Variants in NFATC1 observed in about 807,000 individuals in gnomAD.
NFATC1 encodes nuclear factor of activated T cells 1, also known as nuclear factor of activated T-cells, cytoplasmic 1.
NFATC1 carries 22 observed loss-of-function variants against 76.0 expected under a neutral mutation model. The ratio of observed to expected loss-of-function variants is 0.29; its 90% CI spans 0.21 to 0.41. NFATC1 has a LOEUF of 0.41. Ranked by LOEUF, NFATC1 falls within the 10% of genes least tolerant of loss-of-function variation. The pLI, the probability that NFATC1 is intolerant of heterozygous loss-of-function variation, is 1.00. For missense variants in NFATC1, 1,357 were observed against 1,337.7 expected (o/e 1.01, Z -0.23); for synonymous variants, 704 against 613.1 (o/e 1.15, Z -2.19).
intron 9 of NFATC1, among the ~76,000 whole-genome samples, chr18:79,500,772 A>G (rs1415312453): frequency 6.6e-6 from 1 of 152,230 alleles, no homozygotes; most frequent in Non-Finnish European, 1.5e-5. Context: ...ATTCTTAGAC[A>G]CGAATTACCT....
In NFATC1 at chr18:79,467,518, C is replaced by A; in HGVS notation, c.2028C>A (p.Phe676Leu). 6.2e-7 allele frequency: 1 copy of A among 1,614,036 alleles called. No homozygotes were observed. The highest frequency in any genetic ancestry group is 8.5e-7 in the Non-Finnish European group (1 of 1,179,968). The change falls in exon 8 of 10, where the codon TTC becomes TTA. Residue 676 changes from phenylalanine to leucine, a missense_variant. Phe to Leu is a conservative substitution (Grantham distance 22). This residue lies in a region of NFATC1 where 424 missense variants were observed against 395.4 expected (regional missense o/e 1.07). Coordinates refer to ENST00000427363, the MANE Select transcript of NFATC1 (RefSeq NM_001278669.2). ...TAACCAGCCCCGTTCACGTCAGTTT[C>A]TACGTCTGCAACGGGAAGAGAAAGC... is the stretch of plus-strand genomic sequence containing the variant. ...QRITSPVHVS[F>L]YVCNGKRKRS...
chr18:79,514,466 A>G (rs1252724011), intron 9 of NFATC1, among the ~76,000 whole-genome samples: 3 of 148,690 alleles, frequency 2.0e-5, no homozygotes, highest in African/African-American at 7.4e-5. Flanking sequence ...CTCAGGAGGC[A>G]GAGGAGAAAG....
At chr18:79,444,800 CAT>C (rs2087137085) in intron 3 of NFATC1, among the ~76,000 whole-genome samples, 1 of 152,242 alleles carries the variant, frequency 6.6e-6, no homozygotes, top group Non-Finnish European at 1.5e-5. Flanking sequence ...TGGCCACACA[CAT>C]GCCTGCACAC....
rs772287578 is a variant in NFATC1 at position 79,486,373 on chromosome 18, C to T, written c.2218C>T (p.Pro740Ser). 1.2e-6 allele frequency: 2 copies of T among 1,613,034 alleles called. No homozygotes were observed. Among genetic ancestry groups the T allele is most frequent in the South Asian group, 2.2e-5 (2 of 91,080 alleles). ...YSQQLAMPPDPSSCLVAGFPP... is the reference protein window; with the variant it reads ...YSQQLAMPPDSSSCLVAGFPP... ...CCAGCAGCTCGCGATGCCACCCGACCCCAGCTCCTGCCTCGTGGCCGGCTT... is the reference window on the plus strand; with the variant it reads ...CCAGCAGCTCGCGATGCCACCCGACTCCAGCTCCTGCCTCGTGGCCGGCTT... Residue 740 changes from proline (P) to serine (S), a missense_variant, in exon 9 of 10, where the codon CCC becomes TCC. Transcript: ENST00000427363.
intron 8 of NFATC1, among the ~76,000 whole-genome samples, chr18:79,475,193 TTC>T (rs2089008438): frequency 6.8e-6 from 1 of 146,852 alleles, no homozygotes; most frequent in African/African-American, 2.6e-5. Context: ...GGGAAGCGTG[TTC>T]TCACGCTCAC....
At chr18:79,406,306 G>A (rs773612727) in intron 1 of NFATC1, among the ~76,000 whole-genome samples, 3 of 152,242 alleles carry the variant, frequency 2.0e-5, no homozygotes, top group Admixed American at 1.3e-4. Flanking sequence ...ATCAATTGCA[G>A]TTAAGCCCCC....
chr18:79,452,557 C>T (rs193079336), intron 6 of NFATC1, among the ~76,000 whole-genome samples: 3 of 152,348 alleles, frequency 2.0e-5, no homozygotes, highest in African/African-American at 7.2e-5. Flanking sequence ...CGGGCCCCAG[C>T]ACTCTCATCC....
rs577556578 is a variant in NFATC1, at chr18:79,420,059, G to A, written c.1226+8558G>A. ...AGTAGTTGTAAAGGCCACACCGGAC[G>A]CCGTGTGCACCTCCCAAGGTTTCCC... is the stretch of plus-strand genomic sequence containing the variant. On this transcript the variant is annotated intron_variant, in intron 2 of 9. Transcript: ENST00000427363. Among the ~76,000 whole-genome samples, 21 of 152,348 alleles carry A rather than the reference G, an allele frequency of 1.4e-4. No individual in the cohort carries two copies. The South Asian group carries it at 1.4e-3, about 11-fold the overall frequency.
chr18:79,507,442 C>T (rs1283590044), intron 9 of NFATC1, among the ~76,000 whole-genome samples: 2 of 152,254 alleles, frequency 1.3e-5, no homozygotes, highest in Non-Finnish European at 2.9e-5. Flanking sequence ...ATGGGGCTGA[C>T]GGTGTGCAGC....
chr18:79,430,811 G>A (rs537900943), intron 2 of NFATC1, among the ~76,000 whole-genome samples: 1 of 152,286 alleles, frequency 6.6e-6, no homozygotes, highest in South Asian at 2.1e-4. Flanking sequence ...GAGCAGGTGT[G>A]GCCACTGCAG....
chr18:79,403,628 G>T (rs2085339183), intron 1 of NFATC1, among the ~76,000 whole-genome samples: 1 of 152,276 alleles, frequency 6.6e-6, no homozygotes, highest in Admixed American at 6.5e-5. Flanking sequence ...CTGTGTTTGG[G>T]CTGGAGCCTC....
At chr18:79,469,671 C>T (rs137886310) in intron 8 of NFATC1, 30 of 986,014 alleles carry the variant, frequency 3.0e-5, no homozygotes, top group Admixed American at 6.1e-5. Flanking sequence ...CATGGCTCAA[C>T]GCAGGCCAGG....
intron 9 of NFATC1, among the ~76,000 whole-genome samples, chr18:79,525,076 A>G (rs111433352): frequency 1.8e-5 from 1 of 54,606 alleles, no homozygotes; most frequent in Non-Finnish European, 3.8e-5. Context: ...CCCACGTCCC[A>G]CCGTCGTTAC....
At position 79,465,902 on chromosome 18, in the gene NFATC1, C is replaced by A. The variant is rs2088467381; in HGVS notation, c.1960-1548C>A. ...CAGCCCAGGCCCCGCCCACTGACAG[C>A]ACTCATGGCCCCTCCGGCGGCAGCT... is the stretch of plus-strand genomic sequence containing the variant. On this transcript the variant is annotated intron_variant, in intron 7 of 9. Transcript: ENST00000427363. This position sits in a 1 kb window ranked among gnomAD's most constrained non-coding sequence, Gnocchi z 4.2. Among the ~76,000 whole-genome samples the A allele has an allele frequency of 6.6e-6, 1 of 152,270 alleles. No individual in the cohort carries two copies. The highest frequency in any genetic ancestry group is 2.1e-4 in the South Asian group (1 of 4,838).
At chr18:79,449,439 A>G (rs1335815946) in intron 4 of NFATC1, among the ~76,000 whole-genome samples, 1 of 152,228 alleles carries the variant, frequency 6.6e-6, no homozygotes. Flanking sequence ...TGAATTTTTT[A>G]GTAAGGTGAG....
chr18:79,514,181 C>T (rs2090325507), intron 9 of NFATC1, among the ~76,000 whole-genome samples: 1 of 152,108 alleles, frequency 6.6e-6, no homozygotes, highest in Admixed American at 6.6e-5. Flanking sequence ...TGGCTCACAC[C>T]TGTGATCCAA....
At chr18:79,473,591 AAACCTG>A (rs2088881539) in intron 8 of NFATC1, among the ~76,000 whole-genome samples, 3 of 139,028 alleles carry the variant, frequency 2.2e-5, no homozygotes, top group African/African-American at 8.4e-5. Context: ...TCGACGTTGT[AAACCTG>A]AGGGAAGCGT....
At chr18:79,460,616 C>T (rs7236492) in intron 6 of NFATC1, among the ~76,000 whole-genome samples, 16,769 of 152,264 alleles carry the variant, frequency 0.11, 1,211 homozygotes, top group Non-Finnish European at 0.16. Flanking sequence ...AAAAATACCT[C>T]GTGTTTTGCA....
At chr18:79,488,352 G>A (rs1222552361) in intron 9 of NFATC1, among the ~76,000 whole-genome samples, 2 of 148,382 alleles carry the variant, frequency 1.3e-5, no homozygotes, top group Admixed American at 1.3e-4. Context: ...GAGGTAGTGT[G>A]TCCCATGAAG....
Sources: gnomAD v4.1 joint callset for allele counts (sites outside exome capture counted in the v4.1 genomes callset) on GRCh38, gnomAD v4.1.1 for gene constraint, gnomAD v4.1.1 regional missense constraint, Gnocchi (gnomAD v3.1) non-coding constraint, MANE v1.5 for transcripts, NCBI Gene and HGNC (gene_info 2026-07-23, HGNC 2026-07-21) for gene names.